Variants in RPS6KA2 observed in about 807,000 individuals in gnomAD.
RPS6KA2 encodes the protein ribosomal protein S6 kinase alpha-2.
Under a neutral mutation model 91.8 loss-of-function variants are expected in RPS6KA2, and 42 were observed. That is an observed-to-expected ratio of 0.46 (90% CI 0.36 to 0.59). The LOEUF (loss-of-function observed/expected upper bound fraction) is 0.59. RPS6KA2 is among the 20% of genes least tolerant of loss of function. The pLI, the probability that RPS6KA2 is intolerant of heterozygous loss-of-function variation, is 0.00. For missense variants in RPS6KA2, 798 were observed against 978.5 expected, an observed-to-expected ratio of 0.82 and a Z score of 2.46; for synonymous variants, 414 against 393.6, an observed-to-expected ratio of 1.05 and a Z score of -0.61.
chr6:166,521,752 A>G (rs1246669720), intron 3 of RPS6KA2, among the ~76,000 whole-genome samples: 1 of 152,232 alleles, frequency 6.6e-6, no homozygotes, highest in African/African-American at 2.4e-5. Context: ...GTGGGAATGA[A>G]GCGGAGGCTA....
At position 166,409,512 on chromosome 6, in the gene RPS6KA2, T is replaced by G. The variant is rs1296579863; in HGVS notation, c.*3250A>C. On this transcript the variant is annotated 3_prime_UTR_variant, in exon 21 of 21. Coordinates refer to ENST00000265678, the MANE Select transcript of RPS6KA2 (RefSeq NM_021135.6). ...ACAAAGCAGGAACATAAAAATGATG[T>G]GTAAACATAACTGCTGAGCCAGTGA... 6.6e-6 allele frequency: 1 copy of G among 152,470 alleles called. No homozygotes were observed. The highest frequency in any genetic ancestry group is 1.9e-4 in the East Asian group (1 of 5,202). 9.4% of individuals were successfully genotyped at this position (152,470 alleles called of 1,614,324 possible). A position where few individuals can be genotyped will look rare whatever the true frequency, so the allele number is the denominator to read the frequency against.
At chr6:166,710,502 GT>G (rs1329453199) in intron 2 of RPS6KA2, among the ~76,000 whole-genome samples, 2 of 151,094 alleles carry the variant, frequency 1.3e-5, no homozygotes, top group African/African-American at 2.4e-5. Flanking sequence ...GTGTGTGTGT[GT>G]GTGTGTGGTG....
At chr6:166,638,537 A>G (rs868220380) in intron 2 of RPS6KA2, among the ~76,000 whole-genome samples, 78 of 152,026 alleles carry the variant, frequency 5.1e-4, no homozygotes, top group African/African-American at 1.8e-3. Context: ...AGCTGGAGAC[A>G]GGCGAAAGAC....
intron 2 of RPS6KA2, among the ~76,000 whole-genome samples, chr6:166,668,507 A>G (rs1438826066): frequency 6.6e-6 from 1 of 152,182 alleles, no homozygotes; most frequent in Non-Finnish European, 1.5e-5. Context: ...TGTTTCATAC[A>G]AAGAATTGGC....
chr6:166,710,241 C>A (rs527286384), intron 2 of RPS6KA2, among the ~76,000 whole-genome samples: 2 of 152,276 alleles, frequency 1.3e-5, no homozygotes, highest in African/African-American at 4.8e-5. Context: ...TATTTCAAAT[C>A]TGGAGTATTC....
At chr6:166,654,739 C>T (rs946994593) in intron 2 of RPS6KA2, among the ~76,000 whole-genome samples, 12 of 152,150 alleles carry the variant, frequency 7.9e-5, no homozygotes, top group Non-Finnish European at 1.6e-4. Context: ...GGACTGATTT[C>T]GTGGTTTCTT....
Position 166,668,468 on chromosome 6 carries a change from G to A in RPS6KA2, c.124-129684C>T, listed in dbSNP as rs532660539. On this transcript the variant is annotated intron_variant, in intron 2 of 21. Transcript: ENST00000503859. ...ACGACTCAGGGCCAATCAGGAGAGC[G>A]GGAACCACAGCAGTTATTTCACAGA... 8.5e-5 allele frequency among the ~76,000 whole-genome samples: 13 copies of A among 152,294 alleles called. No homozygotes were observed. In the South Asian group the frequency reaches 2.3e-3, roughly 27 times the overall value.
In RPS6KA2 at chr6:166,815,524, TATC is replaced by T. The variant is rs144060796; in HGVS notation, c.123+42673_123+42675del. 5.2e-3 allele frequency among the ~76,000 whole-genome samples: 794 copies of T among 152,350 alleles called. 9 individuals carry two copies. Among genetic ancestry groups the T allele is most frequent in the African/African-American group, 0.018 (742 of 41,588 alleles). On this transcript the variant is annotated intron_variant, in intron 2 of 21. Transcript: ENST00000503859. ...AGACTAATACACTCTACCAAAATCA[TATC>T]ATCTGGCCTGTAACTTAAGACCTAC...
At chr6:166,577,623 T>C (rs1784877074) in intron 1 of RPS6KA2, among the ~76,000 whole-genome samples, 1 of 152,202 alleles carries the variant, frequency 6.6e-6, no homozygotes, top group African/African-American at 2.4e-5. Context: ...GTACCCCCAT[T>C]GTATCTAGGA....
chr6:166,810,365 T>C (rs1409168745), intron 2 of RPS6KA2, among the ~76,000 whole-genome samples: 1 of 151,640 alleles, frequency 6.6e-6, no homozygotes, highest in Non-Finnish European at 1.5e-5. Flanking sequence ...GACTCGGGAG[T>C]GCAAAGTAAC....
chr6:166,508,178 C>A lies in RPS6KA2; in HGVS notation c.459+25G>T, dbSNP rs760856307. Reference sequence around the variant, plus strand: ...CCAGACAGAAGCTCCTGCCCGCCCTCCTGTGTGATGTGGCGGCTGCTCACC... The same window carrying A: ...CCAGACAGAAGCTCCTGCCCGCCCTACTGTGTGATGTGGCGGCTGCTCACC... On this transcript the variant is annotated intron_variant, in intron 5 of 20. Coordinates refer to ENST00000265678, the MANE Select transcript of RPS6KA2 (RefSeq NM_021135.6). This position sits in a 1 kb window ranked among gnomAD's most constrained non-coding sequence, Gnocchi z 4.3. 6 of 1,536,734 alleles carry A rather than the reference C, an allele frequency of 3.9e-6. No individual in the cohort carries two copies. Among genetic ancestry groups the A allele is most frequent in the South Asian group, 1.1e-5 (1 of 89,246 alleles).
At chr6:166,601,459 T>C (rs1227878832) in intron 1 of RPS6KA2, among the ~76,000 whole-genome samples, 1 of 152,216 alleles carries the variant, frequency 6.6e-6, no homozygotes, top group Non-Finnish European at 1.5e-5. Flanking sequence ...TACGACAATA[T>C]TGAGAAAACC....
intron 1 of RPS6KA2, among the ~76,000 whole-genome samples, chr6:166,559,385 T>C (rs1543802): frequency 0.49 from 74,633 of 151,912 alleles, 20,557 homozygotes; most frequent in East Asian, 0.72. Flanking sequence ...ATCCTTCAAG[T>C]GTGCACCAGC....
upstream of RPS6KA2, among the ~76,000 whole-genome samples, chr6:166,629,604 G>C (rs987555631): frequency 6.6e-6 from 1 of 152,176 alleles, no homozygotes; most frequent in Non-Finnish European, 1.5e-5. Flanking sequence ...TCTAGGGTAG[G>C]TATAATATCA....
intron 2 of RPS6KA2, among the ~76,000 whole-genome samples, chr6:166,692,156 C>T (rs750830209): frequency 2.0e-5 from 3 of 151,914 alleles, no homozygotes; most frequent in Non-Finnish European, 4.4e-5. Flanking sequence ...ACAAGTGTCC[C>T]CTGTCAAGAT....
rs562275357 is a variant in RPS6KA2, at chr6:166,447,870, G to A, written c.1332+854C>T. 4.9e-4 allele frequency among the ~76,000 whole-genome samples: 74 copies of A among 152,322 alleles called. 1 individual carries two copies. The South Asian group carries it at 0.014, about 29-fold the overall frequency. Reference sequence around the variant, plus strand: ...AACACAGGCTGGGACCTCGCTCTGCGACAGCCTGGGGTTTGGCTCCACTGG... The same window carrying A: ...AACACAGGCTGGGACCTCGCTCTGCAACAGCCTGGGGTTTGGCTCCACTGG... On this transcript the variant is annotated intron_variant, in intron 14 of 20. Transcript: ENST00000265678.
chr6:166,667,519 G>A (rs544353364), intron 2 of RPS6KA2, among the ~76,000 whole-genome samples: 54 of 152,146 alleles, frequency 3.5e-4, no homozygotes, highest in Middle Eastern at 3.4e-3. Flanking sequence ...TTCTAATGTC[G>A]CCATAGATGA....
At chr6:166,614,244 A>T (rs1049613560) in intron 1 of RPS6KA2, among the ~76,000 whole-genome samples, 1 of 152,258 alleles carries the variant, frequency 6.6e-6, no homozygotes, top group Non-Finnish European at 1.5e-5. Context: ...ATTTGTAGAC[A>T]GATATAGATG....
At chr6:166,700,296 A>G (rs1789471113) in intron 2 of RPS6KA2, among the ~76,000 whole-genome samples, 2 of 152,332 alleles carry the variant, frequency 1.3e-5, no homozygotes, top group Middle Eastern at 6.8e-3. Context: ...ACTGCTCTGT[A>G]TCTTTGAACA....
Sources: gnomAD v4.1 joint callset for allele counts (sites outside exome capture counted in the v4.1 genomes callset) on GRCh38, gnomAD v4.1.1 for gene constraint, Gnocchi (gnomAD v3.1) non-coding constraint, MANE v1.5 for transcripts, NCBI Gene and HGNC (gene_info 2026-07-23, HGNC 2026-07-21) for gene names.